The following GFRA1 variants were observed in gnomAD, a reference collection of about 807,000 sequenced individuals.
The protein encoded by GFRA1 is GDNF family receptor alpha 1, also known as GDNF family receptor alpha-1.
A neutral mutation model predicts 51.6 loss-of-function variants in GFRA1; 16 were observed. That is an observed-to-expected ratio of 0.31 (90% CI 0.21 to 0.47). GFRA1 has a LOEUF of 0.47. Among genes scored for constraint, GFRA1 ranks in the 20% least tolerant of loss-of-function variants. The probability of loss-of-function intolerance (pLI) is 1.00; values close to 1 mark genes in which losing one functional copy is unlikely to be tolerated. For synonymous variants in GFRA1, 270 were observed against 241.3 expected (o/e 1.12, Z -1.10); for missense variants, 530 against 594.3 (o/e 0.89, Z 1.13).
At chr10:116,118,793 A>G (rs747185452) in intron 6 of GFRA1, among the ~76,000 whole-genome samples, 21 of 152,208 alleles carry the variant, frequency 1.4e-4, no homozygotes, top group Non-Finnish European at 2.9e-4. Context: ...CAAGAGTGGA[A>G]AAAGTGATTG....
Position 116,116,312 on chromosome 10 carries a change from CA to C in GFRA1, c.770+8908del, listed in dbSNP as rs548389094. ...GATGATTAACATAATGGCCACAAGC[CA>C]GGGAGAAGGCAGGAAGGTGAAACAC... On this transcript the variant is annotated intron_variant, in intron 6 of 10. Transcript: ENST00000355422. 6.0e-3 allele frequency among the ~76,000 whole-genome samples: 912 copies of C among 152,338 alleles called. 3 individuals carry two copies. The highest frequency in any genetic ancestry group is 0.01 in the Non-Finnish European group (689 of 68,028).
chr10:116,116,971 T>C (rs1178994915), intron 6 of GFRA1, among the ~76,000 whole-genome samples: 2 of 152,094 alleles, frequency 1.3e-5, no homozygotes, highest in African/African-American at 2.4e-5. Context: ...GAACTAAAGG[T>C]AGTAAAGGCT....
intron 4 of GFRA1, among the ~76,000 whole-genome samples, chr10:116,251,714 C>T (rs1412290530): frequency 6.6e-6 from 1 of 152,132 alleles, no homozygotes; most frequent in East Asian, 1.9e-4. Flanking sequence ...TCCAGCATCC[C>T]AGGCTCAGTT....
At chr10:116,213,943 A>G (rs1395392032) in intron 4 of GFRA1, among the ~76,000 whole-genome samples, 1 of 152,222 alleles carries the variant, frequency 6.6e-6, no homozygotes, top group East Asian at 1.9e-4. Context: ...GGGTCCTATC[A>G]GTCCCACTAC....
At chr10:116,227,281 C>T (rs1379736287) in intron 4 of GFRA1, among the ~76,000 whole-genome samples, 1 of 152,196 alleles carries the variant, frequency 6.6e-6, no homozygotes, top group Non-Finnish European at 1.5e-5. Context: ...AGAACCCCTA[C>T]CAAACTGTCA....
At chr10:116,103,120 T>C (rs1478249737) in intron 6 of GFRA1, among the ~76,000 whole-genome samples, 1 of 152,188 alleles carries the variant, frequency 6.6e-6, no homozygotes, top group African/African-American at 2.4e-5. Context: ...ATTATTCAAC[T>C]TCTCCAAGTC....
intron 5 of GFRA1, among the ~76,000 whole-genome samples, chr10:116,189,102 A>G (rs1403146598): frequency 6.6e-6 from 1 of 151,336 alleles, no homozygotes; most frequent in Non-Finnish European, 1.5e-5. Flanking sequence ...AAAAAAAAAA[A>G]AAAAAAAAAA....
At chr10:116,259,705 G>T (rs929742644) in intron 4 of GFRA1, among the ~76,000 whole-genome samples, 1 of 152,126 alleles carries the variant, frequency 6.6e-6, no homozygotes, top group African/African-American at 2.4e-5. Flanking sequence ...AAAGGATCCT[G>T]GTCTGTGCTT....
intron 7 of GFRA1, among the ~76,000 whole-genome samples, chr10:116,096,432 C>T (rs1589784557): frequency 6.6e-6 from 1 of 152,156 alleles, no homozygotes; most frequent in South Asian, 2.1e-4. Flanking sequence ...CTTAGTAATC[C>T]CCGCTTCCTG....
Position 116,057,546 on chromosome 10 carries a change from T to C in GFRA1, c.*6852A>G, listed in dbSNP as rs1473766971. Reference sequence around the variant, plus strand: ...CCCACAGCCTAAATCTCACACAGCTTCTCAGCAGGAGTTGGATTAAACTGA... The same window carrying C: ...CCCACAGCCTAAATCTCACACAGCTCCTCAGCAGGAGTTGGATTAAACTGA... On this transcript the variant is annotated 3_prime_UTR_variant, in exon 11 of 11. Transcript: ENST00000355422. The C allele has an allele frequency of 6.6e-6, 1 of 152,154 alleles. No homozygotes were observed. Among genetic ancestry groups the C allele is most frequent in the Non-Finnish European group, 1.5e-5 (1 of 68,034 alleles). The allele number at this position is 152,154 out of a possible 1,614,324, so 9.4% of individuals were successfully genotyped here.
At chr10:116,096,385 C>T (rs979420955) in intron 7 of GFRA1, among the ~76,000 whole-genome samples, 4 of 152,248 alleles carry the variant, frequency 2.6e-5, no homozygotes, top group South Asian at 2.1e-4. Context: ...CCAACTGAGA[C>T]GCCTTACCCG....
intron 4 of GFRA1, among the ~76,000 whole-genome samples, chr10:116,268,244 G>A (rs765459610): frequency 6.6e-6 from 1 of 152,154 alleles, no homozygotes; most frequent in Non-Finnish European, 1.5e-5. Flanking sequence ...TAAGACTTTT[G>A]TGATTTGGGG....
chr10:116,195,792 GC>G (rs1456316203), intron 5 of GFRA1, among the ~76,000 whole-genome samples: 1 of 152,190 alleles, frequency 6.6e-6, no homozygotes, highest in East Asian at 1.9e-4. Flanking sequence ...TTCAGCTCAG[GC>G]CCAAACTTGC....
intron 4 of GFRA1, among the ~76,000 whole-genome samples, chr10:116,231,458 G>A (rs923150900): frequency 6.6e-6 from 1 of 152,148 alleles, no homozygotes; most frequent in Non-Finnish European, 1.5e-5. Context: ...CTCATATAAG[G>A]CATGGGGATA....
intron 5 of GFRA1, among the ~76,000 whole-genome samples, chr10:116,164,343 C>T (rs1960151252): frequency 2.6e-5 from 4 of 151,638 alleles, no homozygotes; most frequent in South Asian, 2.1e-4. Flanking sequence ...AAACCCAATC[C>T]AACACTAACC....
intron 8 of GFRA1, among the ~76,000 whole-genome samples, chr10:116,090,729 G>T (rs1303185070): frequency 4.0e-5 from 6 of 151,122 alleles, no homozygotes; most frequent in South Asian, 2.1e-4. Context: ...TGGATTTAGG[G>T]TTTTTTTTTA....
At chr10:116,085,519 C>T (rs182648934) in intron 9 of GFRA1, among the ~76,000 whole-genome samples, 99 of 152,250 alleles carry the variant, frequency 6.5e-4, no homozygotes, top group Admixed American at 1.9e-3. Context: ...TCTAGGACCC[C>T]CATCCTCCTC....
chr10:116,076,215 G>A (rs925690364), intron 9 of GFRA1, among the ~76,000 whole-genome samples: 2 of 152,154 alleles, frequency 1.3e-5, no homozygotes, highest in East Asian at 3.9e-4. Context: ...AATAAGAGGA[G>A]ACAACAGCTG....
chr10:116,178,299 C>CGGG (rs112208045), intron 5 of GFRA1, among the ~76,000 whole-genome samples: 294 of 138,864 alleles, frequency 2.1e-3, no homozygotes, highest in African/African-American at 6.8e-3. Context: ...CACAAGGGGC[C>CGGG]GGGGGGGCGT....
Sources: allele counts gnomAD v4.1 joint callset (sites outside exome capture counted in the v4.1 genomes callset), GRCh38; gene constraint gnomAD v4.1.1; transcripts MANE v1.5; gene names NCBI Gene and HGNC (gene_info 2026-07-23, HGNC 2026-07-21).